Variants in XPO7 observed in about 807,000 individuals in gnomAD.
XPO7 encodes the protein exportin 7.
Under a neutral mutation model 144.3 loss-of-function variants are expected in XPO7, and 21 were observed. That is an observed-to-expected ratio of 0.15 (90% confidence interval 0.10 to 0.21). The LOEUF is 0.21. XPO7 is among the 10% of genes least tolerant of loss of function. XPO7 has a pLI of 1.00. For missense variants in XPO7, 808 were observed against 1,325.8 expected, an observed-to-expected ratio of 0.61 and a Z score of 6.06; for synonymous variants, 580 against 499.6, an observed-to-expected ratio of 1.16 and a Z score of -2.15.
intron 20 of XPO7, among the ~76,000 whole-genome samples, chr8:21,994,846 G>T (rs1158979862): frequency 6.6e-6 from 1 of 152,140 alleles, no homozygotes; most frequent in African/African-American, 2.4e-5. Flanking sequence ...GAGGTCAGGA[G>T]ATCGAGACCA....
intron 1 of XPO7, among the ~76,000 whole-genome samples, chr8:21,925,481 C>G (rs1310327087): frequency 1.3e-5 from 2 of 152,086 alleles, no homozygotes; most frequent in Non-Finnish European, 2.9e-5. Context: ...GATTAAAAGA[C>G]CTGGTATCCC....
chr8:21,922,332 T>C (rs1810315502), intron 1 of XPO7, among the ~76,000 whole-genome samples: 1 of 152,164 alleles, frequency 6.6e-6, no homozygotes, highest in Non-Finnish European at 1.5e-5. Flanking sequence ...AAAATTATAA[T>C]ATTTGGATTG....
intron 7 of XPO7, 85 bp from the exon 8 acceptor site, chr8:21,977,685 G>A: frequency 8.0e-7 from 1 of 1,249,506 alleles, no homozygotes. Flanking sequence ...AGAAGGATGT[G>A]CTCCCTGATG....
intron 1 of XPO7, among the ~76,000 whole-genome samples, chr8:21,952,638 T>G (rs1399299433): frequency 6.6e-6 from 1 of 152,190 alleles, no homozygotes; most frequent in African/African-American, 2.4e-5. Context: ...GAAAAATATT[T>G]TATACCAGAT....
chr8:21,948,746 C>T (rs184377845), intron 1 of XPO7, among the ~76,000 whole-genome samples: 32 of 152,226 alleles, frequency 2.1e-4, no homozygotes, highest in Non-Finnish European at 3.1e-4. Flanking sequence ...GGCCAGAATT[C>T]ATCATCCTAT....
chr8:21,981,977 TAA>T, intron 10 of XPO7, 100 bp downstream of exon 10: 1 of 1,495,452 alleles, frequency 6.7e-7, no homozygotes, highest in Non-Finnish European at 9.1e-7. Context: ...TTGGCAAAGG[TAA>T]CCATAAGTCC....
chr8:21,928,645 G>T (rs1810540091), intron 1 of XPO7, among the ~76,000 whole-genome samples: 1 of 152,142 alleles, frequency 6.6e-6, no homozygotes, highest in African/African-American at 2.4e-5. Context: ...ATCTCTTCAT[G>T]TGCTTACTGA....
chr8:21,947,312 G>A (rs941276286), intron 1 of XPO7, among the ~76,000 whole-genome samples: 3 of 152,096 alleles, frequency 2.0e-5, no homozygotes, highest in African/African-American at 7.2e-5. Context: ...TTTAGAATAT[G>A]TGATAACTAG....
At chr8:21,945,142 G>T (rs912429691) in intron 1 of XPO7, among the ~76,000 whole-genome samples, 2 of 152,166 alleles carry the variant, frequency 1.3e-5, no homozygotes, top group African/African-American at 4.8e-5. Flanking sequence ...AGACGGGGTG[G>T]CGGCCGGGCA....
Position 21,985,709 on chromosome 8 carries a change from A to C in XPO7, c.1577+18A>C. 6.2e-7 allele frequency: 1 copy of C among 1,609,578 alleles called. No homozygotes were observed. The highest frequency in any genetic ancestry group is 8.5e-7 in the Non-Finnish European group (1 of 1,177,062). ...GTCTGTCGGTAAGTGCTCCCCACAGAAGCTCTCCACTCTGCCTTGCTGGCA... is the reference window on the plus strand; with the variant it reads ...GTCTGTCGGTAAGTGCTCCCCACAGCAGCTCTCCACTCTGCCTTGCTGGCA... On this transcript the variant is annotated intron_variant, in intron 13 of 27. Coordinates refer to ENST00000252512, the MANE Select transcript of XPO7 (RefSeq NM_015024.5).
intron 9 of XPO7, 47 bp downstream of exon 9, chr8:21,980,250 C>T (rs1585463815): frequency 6.5e-7 from 1 of 1,532,408 alleles, no homozygotes. Context: ...AGTGTATGGC[C>T]AGCTGTTATG....
At chr8:21,970,065 A>T (rs750153625) in intron 3 of XPO7, 79 bp from the exon 4 acceptor site, 11 of 1,464,188 alleles carry the variant, frequency 7.5e-6, no homozygotes, top group Non-Finnish European at 1.0e-5. Context: ...GCCATTTAGC[A>T]TGTCTAAAGA....
intron 1 of XPO7, among the ~76,000 whole-genome samples, chr8:21,927,249 A>C (rs999985330): frequency 6.6e-6 from 1 of 152,158 alleles, no homozygotes; most frequent in African/African-American, 2.4e-5. Flanking sequence ...AATTAATTTA[A>C]ATTAAATTCA....
intron 9 of XPO7, among the ~76,000 whole-genome samples, chr8:21,980,896 C>T (rs1276813419): frequency 1.3e-5 from 2 of 151,994 alleles, no homozygotes; most frequent in Non-Finnish European, 2.9e-5. Flanking sequence ...TTCTTTCAAA[C>T]GTTAATTTCA....
chr8:21,952,684 A>G (rs1811409604), intron 1 of XPO7, among the ~76,000 whole-genome samples: 1 of 152,244 alleles, frequency 6.6e-6, no homozygotes, highest in Non-Finnish European at 1.5e-5. Flanking sequence ...AATGGCAGAG[A>G]GCCACGCTTG....
chr8:21,982,928 C>A (rs1812453795), intron 11 of XPO7, 116 bp downstream of exon 11: 1 of 1,270,152 alleles, frequency 7.9e-7, no homozygotes, highest in Non-Finnish European at 1.1e-6. Flanking sequence ...GGAGCCACTA[C>A]TGTTCATGGT....
intron 1 of XPO7, among the ~76,000 whole-genome samples, chr8:21,925,235 C>G (rs137930707): frequency 6.6e-6 from 1 of 152,194 alleles, no homozygotes; most frequent in African/African-American, 2.4e-5. Context: ...TGTAAAAAAC[C>G]TAGATCCTAA....
Position 21,999,546 on chromosome 8 carries a change from A to G in XPO7, c.2654A>G (p.Lys885Arg). 1 of 1,613,930 alleles carries G rather than the reference A, an allele frequency of 6.2e-7. No homozygotes were observed. Among genetic ancestry groups the G allele is most frequent in the Non-Finnish European group, 8.5e-7 (1 of 1,179,890 alleles). The stretch of plus-strand genomic sequence containing the variant: ...CTTCCTCTCCCACAGGATTACCCCA[A>G]GCTCAGCCAGTCTTATTATTCACTA... ...IPHSDLLDYPKLSQSYYSLLE... is the reference protein window; with the variant it reads ...IPHSDLLDYPRLSQSYYSLLE... The change falls in exon 24 of 28, where the codon AAG becomes AGG. Residue 885 changes from lysine (K) to arginine (R), a missense_variant. Lys to Arg is a conservative substitution (Grantham distance 26). Coordinates refer to ENST00000252512, the MANE Select transcript of XPO7 (RefSeq NM_015024.5).
At chr8:21,960,743 T>C (rs1357421690) in intron 1 of XPO7, among the ~76,000 whole-genome samples, 1 of 152,230 alleles carries the variant, frequency 6.6e-6, no homozygotes, top group African/African-American at 2.4e-5. Flanking sequence ...ACTCACTCTC[T>C]TAGTCTTACC....
Sources: allele counts gnomAD v4.1 joint callset (sites outside exome capture counted in the v4.1 genomes callset), GRCh38; gene constraint gnomAD v4.1.1; transcripts MANE v1.5; gene names NCBI Gene and HGNC (gene_info 2026-07-23, HGNC 2026-07-21).